ANXA6: variants seen among roughly 807,000 people sequenced by gnomAD.
The protein encoded by ANXA6 is annexin A6.
ANXA6 carries 71 observed loss-of-function variants against 95.4 expected under a neutral mutation model. The observed-to-expected ratio is 0.74, with a 90% CI of 0.61 to 0.91. The LOEUF is 0.91. Among genes scored for constraint, ANXA6 ranks in the 40% least tolerant of loss-of-function variants. The probability of loss-of-function intolerance (pLI) is 0.00; values close to 1 mark genes in which losing one functional copy is unlikely to be tolerated. For synonymous variants in ANXA6, 289 were observed against 315.9 expected (o/e 0.91, Z 0.90); for missense variants, 830 against 876.4 (o/e 0.95, Z 0.67).
At position 151,108,492 on chromosome 5, in the gene ANXA6, C is replaced by T. The variant is rs976571997; in HGVS notation, c.1743G>A (p.Glu581=). Residue 581 remains glutamate (E), a synonymous_variant, in exon 23 of 26, where the codon GAG becomes GAA. Transcript: ENST00000354546. ...ATGCATCCCTGACATCCCCAGACAT[C>T]TCCTTCTTGATGGTGTGCTCCACGT... The part of the protein sequence containing the change: ...NYDVEHTIKK[E]MSGDVRDAFV... 6.2e-7 allele frequency: 1 copy of T among 1,613,884 alleles called. No homozygotes were observed. The highest frequency in any genetic ancestry group is 1.7e-5 in the Admixed American group (1 of 60,006).
chr5:151,147,860 C>T (rs763515440), intron 2 of ANXA6, 24 bp downstream of exon 2: 7 of 1,592,436 alleles, frequency 4.4e-6, no homozygotes, highest in Non-Finnish European at 5.1e-6. Context: ...TGAGTACCAC[C>T]TTCAGGAAAG....
Position 151,101,011 on chromosome 5 carries a change from C to T in ANXA6, c.*437G>A, listed in dbSNP as rs1021270039. 10 of 460,660 alleles carry T rather than the reference C, an allele frequency of 2.2e-5. No homozygotes were observed. Among genetic ancestry groups the T allele is most frequent in the African/African-American group, 2.0e-4 (10 of 50,214 alleles). The allele number at this position is 460,660 out of a possible 1,614,324, so 28.5% of individuals were successfully genotyped here. A position where few individuals can be genotyped will look rare whatever the true frequency, so the allele number is the denominator to read the frequency against. On this transcript the variant is annotated 3_prime_UTR_variant, in exon 26 of 26. Transcript: ENST00000354546. ...TGGATGGGAAGATTTGTCAGTTTGC[C>T]CCAGCACATTTACTATCCTTCCCAC... is the stretch of plus-strand genomic sequence containing the variant.
At chr5:151,124,761 TAAAG>T (rs1765271187) in intron 14 of ANXA6, among the ~76,000 whole-genome samples, 1 of 152,164 alleles carries the variant, frequency 6.6e-6, no homozygotes, top group Admixed American at 6.5e-5. Context: ...CTCTGCCTCT[TAAAG>T]AGTCATTCCC....
Position 151,110,645 on chromosome 5 carries a change from C to A in ANXA6, c.1573-1G>T, listed in dbSNP as rs1764823623. 2 of 1,613,302 alleles carry A rather than the reference C, an allele frequency of 1.2e-6. No individual in the cohort carries two copies. The highest frequency in any genetic ancestry group is 2.2e-5 in the East Asian group (1 of 44,844). On this transcript the variant is annotated splice_acceptor_variant, in intron 20 of 25. Transcript: ENST00000354546. LOFTEE classifies it high-confidence loss of function. The stretch of plus-strand genomic sequence containing the variant: ...CACTCACCAAGATCTCAGCAGCCAC[C>A]TGAGAGCAGGGAGGGGAGAGAGGAG...
At chr5:151,139,507 G>T in intron 3 of ANXA6, 60 bp from the exon 4 acceptor site, 1 of 1,223,544 alleles carries the variant, frequency 8.2e-7, no homozygotes, top group Admixed American at 1.8e-5. Context: ...GCCCACCAGG[G>T]CCACTTCCTT....
intron 25 of ANXA6, among the ~76,000 whole-genome samples, chr5:151,102,576 T>C (rs1379724890): frequency 6.6e-6 from 1 of 152,144 alleles, no homozygotes; most frequent in East Asian, 1.9e-4. Flanking sequence ...TAGTGATGCA[T>C]GCCTGCAGTC....
rs188920403 is a variant in ANXA6, at chr5:151,139,320, G to A, written c.204+33C>T. 6.8e-5 allele frequency: 100 copies of A among 1,463,866 alleles called. No individual in the cohort carries two copies. The African/African-American group carries it at 1.1e-3, about 15-fold the overall frequency. 90.7% of individuals were successfully genotyped at this position (1,463,866 alleles called of 1,614,324 possible). On this transcript the variant is annotated intron_variant, in intron 4 of 25. Transcript: ENST00000354546. ...GGTGAATGAAATCATTCTTCCACCC[G>A]CACCCCATGGGCCCTCCGGTTGCTG...
At position 151,123,015 on chromosome 5, in the gene ANXA6, A is replaced by G; in HGVS notation, c.1139-4T>C. On this transcript the variant is annotated splice_region_variant and splice_polypyrimidine_tract_variant and intron_variant, in intron 15 of 25. Transcript: ENST00000354546. ...ATGATTGTGTCTTCGTCAGTCCCTG[A>G]GTCACCAAAGCCACATGCCTCAGAA... 6.2e-7 allele frequency: 1 copy of G among 1,612,938 alleles called. No homozygotes were observed. Among genetic ancestry groups the G allele is most frequent in the Non-Finnish European group, 8.5e-7 (1 of 1,179,670 alleles).
intron 2 of ANXA6, among the ~76,000 whole-genome samples, chr5:151,146,507 G>A (rs1765979094): frequency 6.6e-6 from 1 of 152,186 alleles, no homozygotes; most frequent in African/African-American, 2.4e-5. Flanking sequence ...CAGGTTCACT[G>A]GGGGCAGTCA....
chr5:151,135,625 C>T (rs1400127194), intron 7 of ANXA6, among the ~76,000 whole-genome samples: 7 of 152,310 alleles, frequency 4.6e-5, no homozygotes, highest in South Asian at 2.1e-4. Context: ...ATAACATTCA[C>T]GGTGAAACGG....
intron 18 of ANXA6, 33 bp from the exon 19 acceptor site, chr5:151,117,870 T>C (rs990452143): frequency 6.3e-7 from 1 of 1,584,778 alleles, no homozygotes; most frequent in South Asian, 1.1e-5. Flanking sequence ...GGGTAGCTGC[T>C]GGCCAAGAAG....
chr5:151,118,926 C>G (rs768045946), intron 18 of ANXA6, among the ~76,000 whole-genome samples: 1 of 152,140 alleles, frequency 6.6e-6, no homozygotes, highest in Non-Finnish European at 1.5e-5. Context: ...TGGGGCCACT[C>G]GCTTAAAAAT....
At chr5:151,107,418 T>C (rs539235123) in intron 23 of ANXA6, among the ~76,000 whole-genome samples, 150 of 152,312 alleles carry the variant, frequency 9.8e-4, no homozygotes, top group African/African-American at 3.5e-3. Flanking sequence ...CTGGATTCCA[T>C]GCTTTTATTC....
rs748901352 is a variant in ANXA6 at position 151,138,769 on chromosome 5, T to C, written c.227A>G (p.Tyr76Cys). The change falls in exon 5 of 26, where the codon TAT becomes TGT. Residue 76 changes from tyrosine (Y) to cysteine (C), a missense_variant. Transcript: ENST00000354546. ...YGKDLIADLK[Y>C]ELTGKFERLI... is the part of the protein sequence containing the mutation. ...CCGTTCAAACTTGCCCGTCAATTCA[T>C]ACTTTAAATCAGCAATGAGGTCCTG... The C allele has an allele frequency of 3.1e-6, 5 of 1,613,754 alleles. No homozygotes were observed. In the Admixed American group the frequency reaches 5.0e-5, roughly 16 times the overall value.
chr5:151,109,792 TC>T lies in ANXA6; in HGVS notation c.1644del (p.Met548IlefsTer22). On this transcript the variant is annotated frameshift_variant, in exon 22 of 26. Coordinates refer to ENST00000354546, the MANE Select transcript of ANXA6 (RefSeq NM_001155.5). LOFTEE classifies it high-confidence loss of function. Reference sequence around the variant, plus strand: ...GGATAGCTCCGGGTACACAGGATCGTCATGAAACGTGTCTCCAAGGAAGTTT... The same window carrying T: ...GGATAGCTCCGGGTACACAGGATCGTATGAAACGTGTCTCCAAGGAAGTTT... ...GDKTSLETRF[M>X]TILCTRSYPH... 1 of 1,611,722 alleles carries T rather than the reference TC, an allele frequency of 6.2e-7. No homozygotes were observed. Among genetic ancestry groups the T allele is most frequent in the Non-Finnish European group, 8.5e-7 (1 of 1,178,902 alleles).
rs577906024 is a variant in ANXA6 at position 151,133,597 on chromosome 5, G to T, written c.547-410C>A. On this transcript the variant is annotated intron_variant, in intron 8 of 25. Transcript: ENST00000354546. ...AGAAAAGGCACAGTGAAAATATGGG[G>T]TTATAATCTTATAGGACTAGCATCA... Among the ~76,000 whole-genome samples, 3 of 152,294 alleles carry T rather than the reference G, an allele frequency of 2.0e-5. No homozygotes were observed. In the South Asian group the frequency reaches 6.2e-4, roughly 32 times the overall value.
At chr5:151,116,455 A>G (rs900045777) in intron 20 of ANXA6, among the ~76,000 whole-genome samples, 1 of 152,182 alleles carries the variant, frequency 6.6e-6, no homozygotes, top group Non-Finnish European at 1.5e-5. Flanking sequence ...CCTCAGGGAA[A>G]ATGAATTTGG....
rs2303026 is a variant in ANXA6 at position 151,124,215 on chromosome 5, C to T, written c.1138+71G>A. On this transcript the variant is annotated intron_variant, in intron 15 of 25. Transcript: ENST00000354546. Reference sequence around the variant, plus strand: ...ATTTGAAACCTCACTCCATCCCCTGCCAGCCCACGGCCAAACCCACCACAC... The same window carrying T: ...ATTTGAAACCTCACTCCATCCCCTGTCAGCCCACGGCCAAACCCACCACAC... 500 of 1,360,622 alleles carry T rather than the reference C, an allele frequency of 3.7e-4. 3 individuals carry two copies. The East Asian group carries it at 7.9e-3, about 22-fold the overall frequency. 84.3% of individuals were successfully genotyped at this position (1,360,622 alleles called of 1,614,324 possible).
At chr5:151,118,400 T>A (rs1765065671) in intron 18 of ANXA6, among the ~76,000 whole-genome samples, 1 of 152,096 alleles carries the variant, frequency 6.6e-6, no homozygotes, top group South Asian at 2.1e-4. Context: ...TAGCTGGGAC[T>A]ATAGGCACAT....
Sources: allele counts gnomAD v4.1 joint callset (sites outside exome capture counted in the v4.1 genomes callset), GRCh38; gene constraint gnomAD v4.1.1; transcripts MANE v1.5; gene names NCBI Gene and HGNC (gene_info 2026-07-23, HGNC 2026-07-21).